WWOX: variants seen among roughly 807,000 people sequenced by gnomAD.
WWOX encodes WW domain containing oxidoreductase.
WWOX carries 69 observed loss-of-function variants against 46.2 expected under a neutral mutation model. The observed-to-expected ratio is 1.49, with a 90% CI of 1.23 to 1.82. The LOEUF is 1.82. Ranked by LOEUF, WWOX falls within the 40% of genes most tolerant of loss-of-function variation. The pLI, the probability that WWOX is intolerant of heterozygous loss-of-function variation, is 0.00. For missense variants in WWOX, 919 were observed against 542.6 expected (o/e 1.69, Z -6.89); for synonymous variants, 359 against 202.6 (o/e 1.77, Z -6.56).
intron 8 of WWOX, among the ~76,000 whole-genome samples, chr16:78,968,434 C>T (rs913967551): frequency 6.6e-6 from 1 of 152,210 alleles, no homozygotes; most frequent in South Asian, 2.1e-4. Flanking sequence ...CCAAACTGTT[C>T]CCTAGGGAGT....
At chr16:79,140,903 G>C (rs556130786) in intron 8 of WWOX, among the ~76,000 whole-genome samples, 2 of 152,276 alleles carry the variant, frequency 1.3e-5, no homozygotes, top group Admixed American at 1.3e-4. Flanking sequence ...CTGTTGGGAA[G>C]GATGCTGATG....
At chr16:79,148,152 C>G (rs1200315425) in intron 8 of WWOX, among the ~76,000 whole-genome samples, 3 of 152,108 alleles carry the variant, frequency 2.0e-5, no homozygotes, top group African/African-American at 7.2e-5. Flanking sequence ...CTTTGGGTAA[C>G]CATATATCCC....
chr16:78,207,159 C>A (rs758458779), intron 5 of WWOX, among the ~76,000 whole-genome samples: 1 of 152,058 alleles, frequency 6.6e-6, no homozygotes, highest in Non-Finnish European at 1.5e-5. Flanking sequence ...GAGCATTTGC[C>A]CACTTTCTAA....
At chr16:79,132,161 CA>C (rs1567571779) in intron 8 of WWOX, among the ~76,000 whole-genome samples, 5 of 150,984 alleles carry the variant, frequency 3.3e-5, no homozygotes, top group African/African-American at 4.9e-5. Flanking sequence ...CACACACACA[CA>C]CACACCCCTT....
At chr16:78,101,906 A>C (rs2031819401) in intron 1 of WWOX, among the ~76,000 whole-genome samples, 1 of 152,132 alleles carries the variant, frequency 6.6e-6, no homozygotes. Context: ...GAGCGTCCCC[A>C]CGCAGTGTGT....
intron 8 of WWOX, among the ~76,000 whole-genome samples, chr16:78,958,577 G>A (rs1386609317): frequency 2.0e-5 from 3 of 152,324 alleles, no homozygotes; most frequent in African/African-American, 2.4e-5. Flanking sequence ...GCTGAACAGT[G>A]TTTTTTAACA....
At chr16:78,161,241 CTT>C (rs1301263119) in intron 4 of WWOX, among the ~76,000 whole-genome samples, 2 of 151,882 alleles carry the variant, frequency 1.3e-5, no homozygotes, top group Non-Finnish European at 2.9e-5. Flanking sequence ...GTCTGACAAA[CTT>C]TTTCTTTTAA....
intron 8 of WWOX, among the ~76,000 whole-genome samples, chr16:78,575,844 C>A (rs895371188): frequency 6.6e-6 from 1 of 152,092 alleles, no homozygotes; most frequent in Non-Finnish European, 1.5e-5. Flanking sequence ...ATAAATACTG[C>A]ATGGGACATT....
At chr16:78,826,171 A>G (rs1441400868) in intron 8 of WWOX, among the ~76,000 whole-genome samples, 2 of 152,214 alleles carry the variant, frequency 1.3e-5, no homozygotes, top group East Asian at 1.9e-4. Flanking sequence ...TCTGGCCAAC[A>G]TGGTGAAACC....
chr16:78,558,268 C>T (rs984923904), intron 8 of WWOX, among the ~76,000 whole-genome samples: 4 of 152,222 alleles, frequency 2.6e-5, no homozygotes, highest in Admixed American at 2.0e-4. Flanking sequence ...TCTCCATCCT[C>T]GTTTCCCAGT....
chr16:78,579,032 T>G (rs2044978875), intron 8 of WWOX, among the ~76,000 whole-genome samples: 1 of 152,232 alleles, frequency 6.6e-6, no homozygotes, highest in Non-Finnish European at 1.5e-5. Flanking sequence ...TTTTTTTCCT[T>G]TGCCCTTTTC....
intron 8 of WWOX, among the ~76,000 whole-genome samples, chr16:78,632,864 G>A (rs910334273): frequency 6.6e-6 from 1 of 152,082 alleles, no homozygotes; most frequent in Admixed American, 6.5e-5. Flanking sequence ...GGCCTACTTG[G>A]CCAAATTCTT....
At chr16:79,040,812 C>T (rs1050582554) in intron 8 of WWOX, among the ~76,000 whole-genome samples, 4 of 151,850 alleles carry the variant, frequency 2.6e-5, no homozygotes, top group East Asian at 3.9e-4. Context: ...CCGGAGAGCT[C>T]GGGGAGGAGC....
At chr16:78,624,700 C>T (rs918657079) in intron 8 of WWOX, among the ~76,000 whole-genome samples, 1 of 152,138 alleles carries the variant, frequency 6.6e-6, no homozygotes, top group African/African-American at 2.4e-5. Context: ...CTCAAAGTTG[C>T]CTTTCATGAA....
chr16:78,338,372 C>G lies in WWOX; in HGVS notation c.517-48488C>G, dbSNP rs1453726907. ...TCTGTAGAGACAAAATTGTTGTTTT[C>G]CCCAGTTGTAAAGTGTGCAATATTA... On this transcript the variant is annotated intron_variant, in intron 5 of 8. Transcript: ENST00000566780. Among the ~76,000 whole-genome samples, 2 of 120,884 alleles carry G rather than the reference C, an allele frequency of 1.7e-5. 1 individual carries two copies. The highest frequency in any genetic ancestry group is 5.6e-5 in the African/African-American group (2 of 35,648). The allele number at this position is 120,884 out of a possible 152,430, so 79.3% of individuals were successfully genotyped here.
chr16:78,380,836 G>T (rs568195599), intron 5 of WWOX, among the ~76,000 whole-genome samples: 127 of 152,192 alleles, frequency 8.3e-4, no homozygotes, highest in African/African-American at 2.9e-3. Flanking sequence ...GAGACCCACA[G>T]TTATTAATAT....
At chr16:79,049,050 C>G (rs765940683) in intron 8 of WWOX, among the ~76,000 whole-genome samples, 1 of 152,190 alleles carries the variant, frequency 6.6e-6, no homozygotes, top group African/African-American at 2.4e-5. Flanking sequence ...ACAAAAGCGA[C>G]AAGGTTTCTA....
intron 4 of WWOX, among the ~76,000 whole-genome samples, chr16:78,159,018 A>G (rs2034696468): frequency 6.6e-6 from 1 of 152,102 alleles, no homozygotes; most frequent in Non-Finnish European, 1.5e-5. Context: ...TATAAATTGT[A>G]TCATGTAGTA....
chr16:79,038,200 G>T (rs1353610945), intron 8 of WWOX, among the ~76,000 whole-genome samples: 1 of 152,052 alleles, frequency 6.6e-6, no homozygotes, highest in Non-Finnish European at 1.5e-5. Context: ...CTCACACCCT[G>T]TTGGCCCTTT....
Sources: gnomAD v4.1 joint callset for allele counts (sites outside exome capture counted in the v4.1 genomes callset) on GRCh38, gnomAD v4.1.1 for gene constraint, MANE v1.5 for transcripts, NCBI Gene and HGNC (gene_info 2026-07-23, HGNC 2026-07-21) for gene names.